NUP214: variants seen among roughly 807,000 people sequenced by gnomAD.
The protein encoded by NUP214 is nuclear pore complex protein Nup214.
Under a neutral mutation model 196.2 loss-of-function variants are expected in NUP214, and 79 were observed. The observed-to-expected ratio is 0.40, with a 90% confidence interval of 0.34 to 0.49. The LOEUF (loss-of-function observed/expected upper bound fraction) is 0.49, where lower values mean the gene tolerates loss of function less well. Among genes scored for constraint, NUP214 ranks in the 20% least tolerant of loss-of-function variants. The pLI, the probability that NUP214 is intolerant of heterozygous loss-of-function variation, is 0.58. For missense variants in NUP214, 2,468 were observed against 2,539.0 expected, an observed-to-expected ratio of 0.97 and a Z score of 0.60; for synonymous variants, 1,020 against 990.5, an observed-to-expected ratio of 1.03 and a Z score of -0.56.
At position 131,178,305 on chromosome 9, in the gene NUP214, A is replaced by C. The variant is rs1425854102; in HGVS notation, c.3320-6A>C. 2 of 1,601,020 alleles carry C rather than the reference A, an allele frequency of 1.2e-6. No individual in the cohort carries two copies. Among genetic ancestry groups the C allele is most frequent in the Non-Finnish European group, 8.6e-7 (1 of 1,168,206 alleles). On this transcript the variant is annotated splice_region_variant and splice_polypyrimidine_tract_variant and intron_variant, in intron 23 of 35. Transcript: ENST00000359428. ...TATGGTGTTCTCTCTTCTCTGTTTA[A>C]ATTAGCTGTAAACACTTTGACTGAA...
rs372483869 is a variant in NUP214, at chr9:131,147,632, C to T, written c.2040+48C>T. ...ATGTTTGTGTTTATTAATTTACTGC[C>T]CCAAGCATACCTATGAATAAAATGA... On this transcript the variant is annotated intron_variant, in intron 14 of 35. Transcript: ENST00000359428. 21 of 1,263,506 alleles carry T rather than the reference C, an allele frequency of 1.7e-5. No individual in the cohort carries two copies. The African/African-American group carries it at 3.1e-4, about 19-fold the overall frequency. 78.3% of individuals were successfully genotyped at this position (1,263,506 alleles called of 1,614,324 possible). A position where few individuals can be genotyped will look rare whatever the true frequency, so the allele number is the denominator to read the frequency against.
chr9:131,207,209 T>C (rs1280713302), intron 30 of NUP214, among the ~76,000 whole-genome samples: 2 of 152,254 alleles, frequency 1.3e-5, no homozygotes, highest in Non-Finnish European at 2.9e-5. Context: ...TATTTACTGC[T>C]GTATAACAAA....
At chr9:131,164,235 G>A (rs1832722679) in intron 21 of NUP214, 91 bp downstream of exon 21, 1 of 1,123,626 alleles carries the variant, frequency 8.9e-7, no homozygotes, top group Non-Finnish European at 1.3e-6. Context: ...GTGCATGTGT[G>A]AGCTAGGGTG....
At chr9:131,132,509 T>G in intron 5 of NUP214, 87 bp from the exon 6 acceptor site, 2 of 1,133,958 alleles carry the variant, frequency 1.8e-6, no homozygotes, top group Non-Finnish European at 1.3e-6. Context: ...ACAGGTAGCA[T>G]CTAAGGAATA....
At chr9:131,151,940 CAT>C in intron 17 of NUP214, 46 bp downstream of exon 17, 1 of 1,475,146 alleles carries the variant, frequency 6.8e-7, no homozygotes, top group South Asian at 1.3e-5. Context: ...AAAACAAGCT[CAT>C]GTAACAATTG....
chr9:131,186,063 C>G (rs1360575960), intron 24 of NUP214, among the ~76,000 whole-genome samples: 2 of 152,190 alleles, frequency 1.3e-5, no homozygotes, highest in African/African-American at 4.8e-5. Context: ...CTTCTCTAAG[C>G]AAGTCTGCTG....
intron 21 of NUP214, 130 bp from the exon 22 acceptor site, chr9:131,173,925 A>T: frequency 8.2e-7 from 1 of 1,221,046 alleles, no homozygotes; most frequent in Non-Finnish European, 1.1e-6. Flanking sequence ...ACCTGCTCCC[A>T]CTTAAAATAA....
At chr9:131,168,237 T>C (rs1360101100) in intron 21 of NUP214, among the ~76,000 whole-genome samples, 2 of 152,194 alleles carry the variant, frequency 1.3e-5, no homozygotes, top group Non-Finnish European at 2.9e-5. Flanking sequence ...TTATCAGCCT[T>C]TTCTTTTATA....
At position 131,144,353 on chromosome 9, in the gene NUP214, C is replaced by T; in HGVS notation, c.1368C>T (p.Ala456=). The T allele has an allele frequency of 6.2e-7, 1 of 1,614,204 alleles. No individual in the cohort carries two copies. The highest frequency in any genetic ancestry group is 8.5e-7 in the Non-Finnish European group (1 of 1,180,042). ...ATGCTTCTGCAGCTGCAGCCCCTGCCTCTCTGCCACCTTCATCACCTGCTG... is the reference window on the plus strand; with the variant it reads ...ATGCTTCTGCAGCTGCAGCCCCTGCTTCTCTGCCACCTTCATCACCTGCTG... The part of the protein sequence containing the change: ...KLDASAAAAP[A]SLPPSSPAAP... Residue 456 remains alanine, a synonymous_variant, in exon 12 of 36, where the codon GCC becomes GCT. Coordinates refer to ENST00000359428, the MANE Select transcript of NUP214 (RefSeq NM_005085.4).
rs140812009 is a variant in NUP214, at chr9:131,217,026, T to C, written c.5749+1658T>C. On this transcript the variant is annotated intron_variant, in intron 31 of 35. Coordinates refer to ENST00000359428, the MANE Select transcript of NUP214 (RefSeq NM_005085.4). ...TGCTGTGTGAGATCTCCATGAATCATGAGCTAGTGTTCTGCAGTCATGACA... is the reference window on the plus strand; with the variant it reads ...TGCTGTGTGAGATCTCCATGAATCACGAGCTAGTGTTCTGCAGTCATGACA... Among the ~76,000 whole-genome samples the C allele has an allele frequency of 4.2e-3, 637 of 152,308 alleles. 6 individuals carry two copies. Among genetic ancestry groups the C allele is most frequent in the African/African-American group, 0.015 (609 of 41,574 alleles).
intron 32 of NUP214, among the ~76,000 whole-genome samples, chr9:131,227,302 G>A (rs1392401829): frequency 6.6e-6 from 1 of 152,186 alleles, no homozygotes; most frequent in African/African-American, 2.4e-5. Flanking sequence ...CTGCCCTCTG[G>A]CAGCCTGAGC....
Position 131,175,540 on chromosome 9 carries a change from C to T in NUP214, c.3238C>T (p.Pro1080Ser). The T allele has an allele frequency of 2.5e-6, 4 of 1,614,212 alleles. No homozygotes were observed. Among genetic ancestry groups the T allele is most frequent in the Non-Finnish European group, 3.4e-6 (4 of 1,180,028 alleles). The change falls in exon 23 of 36, where the codon CCT (proline) becomes TCT (serine). Residue 1080 changes from proline to serine, a missense_variant. Pro to Ser is a moderately conservative substitution (Grantham distance 74). Around this residue, in one of 5 missense-constraint regions of NUP214, gnomAD observed 1,801 missense variants for 1,779.4 expected, o/e 1.01. Coordinates refer to ENST00000359428, the MANE Select transcript of NUP214 (RefSeq NM_005085.4). The stretch of plus-strand genomic sequence containing the variant: ...CACGAAAACCGTGAAACATGGTGCA[C>T]CTAGTCCTTCCCACCCCATCTCAGC... ...LATKTVKHGAPSPSHPISAPQ... is the reference protein window; with the variant it reads ...LATKTVKHGASSPSHPISAPQ...
At chr9:131,212,254 A>T (rs759356298) in intron 30 of NUP214, among the ~76,000 whole-genome samples, 12 of 152,196 alleles carry the variant, frequency 7.9e-5, no homozygotes, top group Non-Finnish European at 1.8e-4. Context: ...ATCACTGATA[A>T]TGCATGCCCA....
chr9:131,154,825 TTG>T (rs79188142), intron 17 of NUP214, among the ~76,000 whole-genome samples: 26,421 of 151,606 alleles, frequency 0.17, 2,836 homozygotes, highest in South Asian at 0.24. Flanking sequence ...GTAGTAGTAG[TTG>T]TGTGTGTGTG....
intron 31 of NUP214, among the ~76,000 whole-genome samples, chr9:131,221,701 G>C (rs1272284255): frequency 6.6e-6 from 1 of 152,180 alleles, no homozygotes; most frequent in Non-Finnish European, 1.5e-5. Flanking sequence ...AGCATATGCT[G>C]TGCCTCCCAT....
chr9:131,135,827 T>A (rs940902269), intron 8 of NUP214, 113 bp from the exon 9 acceptor site: 17 of 727,486 alleles, frequency 2.3e-5, no homozygotes, highest in Non-Finnish European at 4.0e-5. Context: ...TAAAAAACCT[T>A]ACTCTCTCTT....
At chr9:131,205,007 T>C (rs1834039417) in intron 30 of NUP214, among the ~76,000 whole-genome samples, 1 of 152,058 alleles carries the variant, frequency 6.6e-6, no homozygotes, top group African/African-American at 2.4e-5. Context: ...AGCAAAAAAA[T>C]ATCTATAAAG....
chr9:131,225,699 G>T (rs1834700937), intron 32 of NUP214, among the ~76,000 whole-genome samples: 1 of 152,216 alleles, frequency 6.6e-6, no homozygotes, highest in African/African-American at 2.4e-5. Context: ...TCTATTGAAA[G>T]AGGGGACTGG....
chr9:131,168,581 G>A (rs1270042105), intron 21 of NUP214, among the ~76,000 whole-genome samples: 2 of 152,128 alleles, frequency 1.3e-5, no homozygotes, highest in East Asian at 3.8e-4. Flanking sequence ...TAAAGAAATT[G>A]CATATATTAT....
Sources: allele counts gnomAD v4.1 joint callset (sites outside exome capture counted in the v4.1 genomes callset), GRCh38; gene constraint gnomAD v4.1.1; regional missense constraint gnomAD v4.1.1; transcripts MANE v1.5; gene names NCBI Gene and HGNC (gene_info 2026-07-23, HGNC 2026-07-21).